PDE1A: variants seen among roughly 807,000 people sequenced by gnomAD.
The protein encoded by PDE1A is dual specificity calcium/calmodulin-dependent 3',5'-cyclic nucleotide phosphodiesterase 1A.
PDE1A carries 35 observed loss-of-function variants against 61.7 expected under a neutral mutation model. The observed-to-expected ratio is 0.57, with a 90% confidence interval of 0.43 to 0.75. PDE1A has a LOEUF of 0.75. Ranked by LOEUF, PDE1A falls within the 30% of genes least tolerant of loss-of-function variation. The pLI, the probability that PDE1A is intolerant of heterozygous loss-of-function variation, is 0.00. For missense variants in PDE1A, 597 were observed against 630.6 expected (o/e 0.95, Z 0.57); for synonymous variants, 232 against 213.2 (o/e 1.09, Z -0.77).
At chr2:182,625,046 G>C in the PDE1A span, among the ~76,000 whole-genome samples, 31 of 152,140 alleles carry the variant, frequency 2.0e-4, no homozygotes, top group African/African-American at 7.2e-4. Context: ...ATGAGATCGT[G>C]AGAATGGTAG....
chr2:182,559,368 A>C, the PDE1A span, among the ~76,000 whole-genome samples: 1 of 152,146 alleles, frequency 6.6e-6, no homozygotes, highest in Non-Finnish European at 1.5e-5. Flanking sequence ...AGGTTAATAA[A>C]GCCATGGGAG....
At chr2:182,657,164 A>T in the PDE1A span, among the ~76,000 whole-genome samples, 1 of 152,204 alleles carries the variant, frequency 6.6e-6, no homozygotes, top group South Asian at 2.1e-4. Context: ...TGGAGGTTGC[A>T]GTGAGCCAAG....
the PDE1A span, among the ~76,000 whole-genome samples, chr2:182,543,035 A>G: frequency 7.2e-5 from 11 of 152,262 alleles, no homozygotes; most frequent in Admixed American, 7.2e-4. Context: ...GTGTACTCTG[A>G]GTGAGTCAGC....
chr2:182,392,395 G>A (rs941947897), intron 1 of PDE1A, among the ~76,000 whole-genome samples: 5 of 152,072 alleles, frequency 3.3e-5, no homozygotes, highest in South Asian at 2.1e-4. Context: ...CTCCCACCAC[G>A]TCCCTCCCAC....
At chr2:182,710,534 A>G in the PDE1A span, among the ~76,000 whole-genome samples, 2 of 152,216 alleles carry the variant, frequency 1.3e-5, no homozygotes, top group Non-Finnish European at 2.9e-5. Flanking sequence ...TCCCCTGGCA[A>G]GCACTGTTCT....
chr2:182,547,651 A>G, the PDE1A span, among the ~76,000 whole-genome samples: 1 of 152,182 alleles, frequency 6.6e-6, no homozygotes, highest in African/African-American at 2.4e-5. Context: ...AAAAAAATAA[A>G]TCTACATTAA....
chr2:182,198,317 A>G (rs1356390931), intron 10 of PDE1A, among the ~76,000 whole-genome samples: 1 of 151,910 alleles, frequency 6.6e-6, no homozygotes, highest in African/African-American at 2.4e-5. Flanking sequence ...GTTTCTGCAA[A>G]TAACAGTTTT....
At chr2:182,365,382 AT>A (rs1699779230) in intron 1 of PDE1A, among the ~76,000 whole-genome samples, 1 of 151,984 alleles carries the variant, frequency 6.6e-6, no homozygotes, top group South Asian at 2.1e-4. Context: ...ACACAGCTCC[AT>A]TTTTTAGATG....
At chr2:182,473,295 A>C (rs1392495312) in intron 2 of PDE1A, among the ~76,000 whole-genome samples, 4 of 151,942 alleles carry the variant, frequency 2.6e-5, no homozygotes, top group Non-Finnish European at 4.4e-5. Context: ...AATTCAACTA[A>C]AGAGCTTCTG....
chr2:182,402,501 T>G (rs2125457217), intron 1 of PDE1A, among the ~76,000 whole-genome samples: 1 of 152,310 alleles, frequency 6.6e-6, no homozygotes, highest in Admixed American at 6.5e-5. Context: ...GACCCCTTCC[T>G]TATACCTTAT....
At chr2:182,567,202 T>C in the PDE1A span, among the ~76,000 whole-genome samples, 6 of 152,328 alleles carry the variant, frequency 3.9e-5, no homozygotes, top group African/African-American at 1.4e-4. Flanking sequence ...TACCAAGAAT[T>C]AGGAAATCAG....
intron 2 of PDE1A, among the ~76,000 whole-genome samples, chr2:182,494,268 T>TTA (rs1688572818): frequency 1.3e-5 from 2 of 151,298 alleles, no homozygotes; most frequent in South Asian, 4.2e-4. Context: ...TCTAAATGTG[T>TTA]AGTAAGCTTA....
intron 1 of PDE1A, among the ~76,000 whole-genome samples, chr2:182,291,209 T>C (rs553698378): frequency 6.6e-6 from 1 of 152,220 alleles, no homozygotes; most frequent in South Asian, 2.1e-4. Flanking sequence ...TTCATGTACA[T>C]TACCACTGAT....
At chr2:182,348,295 G>A (rs1473662285) in intron 1 of PDE1A, among the ~76,000 whole-genome samples, 1 of 152,104 alleles carries the variant, frequency 6.6e-6, no homozygotes, top group Non-Finnish European at 1.5e-5. Context: ...AGGAACTTAG[G>A]CAGATTGTTA....
chr2:182,559,267 G>A, the PDE1A span, among the ~76,000 whole-genome samples: 1 of 152,078 alleles, frequency 6.6e-6, no homozygotes, highest in African/African-American at 2.4e-5. Context: ...CAGAGAACAA[G>A]GGAGACTGAT....
chr2:182,531,763 C>T, the PDE1A span, among the ~76,000 whole-genome samples: 1 of 152,054 alleles, frequency 6.6e-6, no homozygotes, highest in South Asian at 2.1e-4. Flanking sequence ...AGGTTTGTTA[C>T]ATAGGTAAAC....
intron 1 of PDE1A, among the ~76,000 whole-genome samples, chr2:182,422,120 TC>T (rs1332236873): frequency 1.3e-5 from 2 of 152,204 alleles, no homozygotes; most frequent in East Asian, 3.8e-4. Flanking sequence ...GTGTCTTCGA[TC>T]CTGGATGTAC....
chr2:182,416,578 T>C (rs969125192), intron 1 of PDE1A, among the ~76,000 whole-genome samples: 2 of 152,202 alleles, frequency 1.3e-5, no homozygotes, highest in African/African-American at 2.4e-5. Flanking sequence ...AGATGAAAAA[T>C]GTTAACTATG....
chr2:182,522,190 GC>G, intron 2 of PDE1A: 4 of 1,082,402 alleles, frequency 3.7e-6, no homozygotes, highest in Non-Finnish European at 5.6e-6. Flanking sequence ...AAGGAAACTA[GC>G]CCACAAAGGC....
Sources: gnomAD v4.1 joint callset for allele counts (sites outside exome capture counted in the v4.1 genomes callset) on GRCh38, gnomAD v4.1.1 for gene constraint, MANE v1.5 for transcripts, NCBI Gene and HGNC (gene_info 2026-07-23, HGNC 2026-07-21) for gene names.